The following SCYGR6 variants were observed in gnomAD, a reference collection of about 807,000 sequenced individuals.
The protein encoded by SCYGR6 is small cysteine and glycine repeat containing 6.
At chr2:227,724,554 GCAA>G (rs896758487) in exon 1 of SCYGR6, 1 of 398,164 alleles carries the variant, frequency 2.5e-6, no homozygotes, top group East Asian at 3.6e-5. Context: ...TGCGGCGGCA[GCAA>G]CAGATCACGG....
At chr2:227,724,598 G>T in exon 1 of SCYGR6, 1 of 398,874 alleles carries the variant, frequency 2.5e-6, no homozygotes, top group Non-Finnish European at 4.4e-6. Flanking sequence ...CAGCAGCCGC[G>T]GCAGCAGGGG....
Position 227,724,536 on chromosome 2 carries a change from G to A in SCYGR6, c.222C>T (p.His74=), listed in dbSNP as rs1428628289. 1.0e-5 allele frequency: 4 copies of A among 397,774 alleles called. No individual in the cohort carries two copies. The East Asian group carries it at 1.1e-4, about 11-fold the overall frequency. 24.6% of individuals were successfully genotyped at this position (397,774 alleles called of 1,614,324 possible). A position where few individuals can be genotyped will look rare whatever the true frequency, so the allele number is the denominator to read the frequency against. ...CACAGCCACAGCCGCAGCCACATGA[G>A]TGGCAGGTGCGGCGGCAGCAACAGA... The change falls in exon 1 of 1, where the codon CAC becomes CAT. Residue 74 remains histidine, a synonymous_variant. Coordinates refer to ENST00000641918, the Ensembl canonical transcript of SCYGR6.
exon 1 of SCYGR6, chr2:227,724,494 CTGG>C (rs1696525400): frequency 2.5e-6 from 1 of 395,024 alleles, no homozygotes; most frequent in African/African-American, 2.2e-5. Context: ...AGCCCTTCTG[CTGG>C]CAACAGCCCT....
At chr2:227,724,575 GCAGCAGCCTCCA>G (rs1442996279) in exon 1 of SCYGR6, 6 of 399,324 alleles carry the variant, frequency 1.5e-5, no homozygotes, top group East Asian at 1.4e-4. Flanking sequence ...CGGGCGTGCT[GCAGCAGCCTCCA>G]CAGCAGCCGC....
At chr2:227,724,724 C>G in exon 1 of SCYGR6, 1 of 412,458 alleles carries the variant, frequency 2.4e-6, no homozygotes, top group Non-Finnish European at 4.2e-6. Context: ...CCACCGCAGC[C>G]ACCACCGCAG....
chr2:227,724,607 GGCAGCAGCTGGA>G (rs1372889010), exon 1 of SCYGR6: 8 of 399,056 alleles, frequency 2.0e-5, no homozygotes, highest in Non-Finnish European at 2.6e-5. Context: ...CGGCAGCAGG[GGCAGCAGCTGGA>G]GCAGCAGCCC....
exon 1 of SCYGR6, chr2:227,724,686 A>ACAGCCACCACCG (rs1391788515): frequency 5.9e-5 from 24 of 409,374 alleles, no homozygotes; most frequent in African/African-American, 4.5e-4. Flanking sequence ...AGCCACCACC[A>ACAGCCACCACCG]CAGCCACCAC....
At chr2:227,724,546 C>T (rs991709988) in exon 1 of SCYGR6, 94 of 398,680 alleles carry the variant, frequency 2.4e-4, no homozygotes, top group African/African-American at 1.2e-3. Flanking sequence ...GTGGCAGGTG[C>T]GGCGGCAGCA....
exon 1 of SCYGR6, chr2:227,724,530 A>G (rs1696526207): frequency 2.5e-6 from 1 of 398,274 alleles, no homozygotes; most frequent in African/African-American, 2.1e-5. Flanking sequence ...AGCCGCAGCC[A>G]CATGAGTGGC....
At chr2:227,724,704 A>ACCACCGCAG (rs1327500035) in exon 1 of SCYGR6, 4 of 411,120 alleles carry the variant, frequency 9.7e-6, no homozygotes, top group African/African-American at 2.1e-5. Flanking sequence ...CACTGCAGCC[A>ACCACCGCAG]CCACCGCAGC....
At chr2:227,724,547 G>A (rs754663237) in exon 1 of SCYGR6, 5 of 398,154 alleles carry the variant, frequency 1.3e-5, no homozygotes, top group Non-Finnish European at 2.2e-5. Context: ...TGGCAGGTGC[G>A]GCGGCAGCAA....
chr2:227,724,554 G>A, exon 1 of SCYGR6: 1 of 398,164 alleles, frequency 2.5e-6, no homozygotes, highest in East Asian at 3.6e-5. Context: ...TGCGGCGGCA[G>A]CAACAGATCA....
At chr2:227,724,670 C>T (rs910210158) in exon 1 of SCYGR6, 12 of 406,492 alleles carry the variant, frequency 3.0e-5, no homozygotes, top group Non-Finnish European at 1.3e-5. Flanking sequence ...CCACAGCCAC[C>T]ACCGCAGCCA....
At position 227,724,731 on chromosome 2, in the gene SCYGR6, G is replaced by A. The variant is rs187247957; in HGVS notation, c.27C>T (p.Cys9=). ...CACCGCAGCCACCGCAGCCACCACC[G>A]CAGCCACCACACCCACAGCAACCCA... Residue 9 remains cysteine, a synonymous_variant, in exon 1 of 1, where the codon TGC becomes TGT. Coordinates refer to ENST00000641918, the Ensembl canonical transcript of SCYGR6. The A allele has an allele frequency of 3.3e-3, 1,357 of 410,426 alleles. 16 individuals are homozygous for A. Among genetic ancestry groups the A allele is most frequent in the Non-Finnish European group, 1.2e-3 (289 of 235,862 alleles). 25.4% of individuals were successfully genotyped at this position (410,426 alleles called of 1,614,324 possible). A position where few individuals can be genotyped will look rare whatever the true frequency, so the allele number is the denominator to read the frequency against.
chr2:227,724,713 G>GCCACCGCAGCCACCACCGCAGCCA (rs1048825252), exon 1 of SCYGR6: 1 of 410,302 alleles, frequency 2.4e-6, no homozygotes, highest in African/African-American at 2.1e-5. Context: ...CACCACCGCA[G>GCCACCGCAGCCACCACCGCAGCCA]CCACCGCAGC....
exon 1 of SCYGR6, chr2:227,724,538 G>A (rs554252661): frequency 2.5e-6 from 1 of 397,900 alleles, no homozygotes; most frequent in African/African-American, 2.1e-5. Flanking sequence ...CCACATGAGT[G>A]GCAGGTGCGG....
In SCYGR6 at chr2:227,724,467, GC is replaced by G. The variant is rs1696522779; in HGVS notation, c.290del (p.Gly97AlafsTer?). 2.8e-6 allele frequency: 1 copy of G among 356,696 alleles called. No individual in the cohort carries two copies. Among genetic ancestry groups the G allele is most frequent in the African/African-American group, 3.1e-5 (1 of 32,074 alleles). The allele number at this position is 356,696 out of a possible 1,614,324, so 22.1% of individuals were successfully genotyped here. On this transcript the variant is annotated frameshift_variant, in exon 1 of 1. Transcript: ENST00000641918. LOFTEE classifies it high-confidence loss of function. ...AGCAGCAGCATTGCTTCTTGCAGCA[GC>G]CCTTCTGCTGACAGCAGCCCTTCTG...
At chr2:227,724,634 G>A (rs368907612) in exon 1 of SCYGR6, 23 of 400,460 alleles carry the variant, frequency 5.7e-5, no homozygotes, top group East Asian at 1.8e-4. Flanking sequence ...CAGCCCACCC[G>A]GTAGCACCTG....
rs747663077 is a variant in SCYGR6 at position 227,724,467 on chromosome 2, G to A, written c.291C>T (p.Gly97=). Reference sequence around the variant, plus strand: ...AGCAGCAGCATTGCTTCTTGCAGCAGCCCTTCTGCTGACAGCAGCCCTTCT... The same window carrying A: ...AGCAGCAGCATTGCTTCTTGCAGCAACCCTTCTGCTGACAGCAGCCCTTCT... Residue 97 remains glycine (G), a synonymous_variant, in exon 1 of 1, where the codon GGC becomes GGT. Transcript: ENST00000641918. The A allele has an allele frequency of 1.1e-3, 387 of 356,794 alleles. 1 individual carries two copies. Among genetic ancestry groups the A allele is most frequent in the Middle Eastern group, 4.7e-3 (7 of 1,500 alleles). The allele number at this position is 356,794 out of a possible 1,614,324, so 22.1% of individuals were successfully genotyped here.
Sources: gnomAD v4.1 joint callset for allele counts on GRCh38, gnomAD v4.1.1 for gene constraint, MANE v1.5 for transcripts, NCBI Gene and HGNC (gene_info 2026-07-23, HGNC 2026-07-21) for gene names.